KIAA1549L: variants seen among roughly 807,000 people sequenced by gnomAD.
KIAA1549L encodes the protein UPF0606 protein KIAA1549L.
A neutral mutation model predicts 160.7 loss-of-function variants in KIAA1549L; 88 were observed. The observed-to-expected ratio is 0.55, with a 90% CI of 0.46 to 0.65. The LOEUF is 0.65. Among genes scored for constraint, KIAA1549L ranks in the 30% least tolerant of loss-of-function variants. KIAA1549L has a pLI of 0.00. For missense variants in KIAA1549L, 2,258 were observed against 2,437.5 expected, an observed-to-expected ratio of 0.93 and a Z score of 1.55; for synonymous variants, 950 against 976.7, an observed-to-expected ratio of 0.97 and a Z score of 0.51.
intron 1 of KIAA1549L, among the ~76,000 whole-genome samples, chr11:33,428,492 G>A (rs950412706): frequency 1.4e-5 from 2 of 146,820 alleles, no homozygotes; most frequent in South Asian, 2.1e-4. Flanking sequence ...GATGTTCCTC[G>A]CCCTGTATCC....
chr11:33,482,497 A>G (rs1192966192), intron 1 of KIAA1549L, among the ~76,000 whole-genome samples: 2 of 150,900 alleles, frequency 1.3e-5, no homozygotes, highest in Non-Finnish European at 2.9e-5. Context: ...TTAATGCTGA[A>G]TTTTACTCGG....
chr11:33,629,573 A>G (rs909231379), intron 16 of KIAA1549L, among the ~76,000 whole-genome samples: 14 of 151,570 alleles, frequency 9.2e-5, no homozygotes, highest in African/African-American at 3.2e-4. Context: ...CTTCCAGTTG[A>G]TCACATCGGC....
intron 1 of KIAA1549L, chr11:33,403,278 C>CACAA: frequency 7.1e-6 from 1 of 140,590 alleles, no homozygotes. Flanking sequence ...CACACACAGA[C>CACAA]ACAGACACAC....
chr11:33,522,036 T>C (rs373034095), intron 1 of KIAA1549L, among the ~76,000 whole-genome samples: 16 of 152,318 alleles, frequency 1.1e-4, no homozygotes, highest in African/African-American at 4.8e-5. Flanking sequence ...AACATCTAAA[T>C]TATGGAATTT....
chr11:33,597,462 A>G (rs574571319), intron 12 of KIAA1549L, among the ~76,000 whole-genome samples: 7 of 152,336 alleles, frequency 4.6e-5, no homozygotes, highest in Non-Finnish European at 1.0e-4. Flanking sequence ...CTGCTCGCCT[A>G]CTGATCAAGT....
At position 33,670,392 on chromosome 11, in the gene KIAA1549L, G is replaced by C. The variant is rs1034763881; in HGVS notation, c.*2238G>C. ...CAGAGCTATGGCTCCAGAGTGCTAA[G>C]AGGGTGGAGTCACAAATCACTGTGG... On this transcript the variant is annotated 3_prime_UTR_variant, in exon 21 of 21. Coordinates refer to ENST00000658780, the MANE Select transcript of KIAA1549L (RefSeq NM_012194.3). The C allele has an allele frequency of 2.0e-5, 3 of 152,252 alleles. No homozygotes were observed. Among genetic ancestry groups the C allele is most frequent in the Admixed American group, 6.5e-5 (1 of 15,288 alleles). The allele number at this position is 152,252 out of a possible 1,614,324, so 9.4% of individuals were successfully genotyped here.
At chr11:33,531,186 CA>C (rs1437166732) in intron 1 of KIAA1549L, among the ~76,000 whole-genome samples, 1 of 151,892 alleles carries the variant, frequency 6.6e-6, no homozygotes, top group Non-Finnish European at 1.5e-5. Flanking sequence ...AATGGGGAGG[CA>C]GAGAGGCCAG....
intron 1 of KIAA1549L, among the ~76,000 whole-genome samples, chr11:33,478,268 T>TTA (rs1852331988): frequency 1.4e-3 from 2 of 1,436 alleles, no homozygotes; most frequent in Admixed American, 0.011. Context: ...CTAACAGAAC[T>TTA]CACAGAGGCA....
chr11:33,500,364 G>T (rs1852919218), intron 1 of KIAA1549L, among the ~76,000 whole-genome samples: 1 of 152,172 alleles, frequency 6.6e-6, no homozygotes, highest in Non-Finnish European at 1.5e-5. Flanking sequence ...AAAGTGCCTG[G>T]CACATACGGG....
At chr11:33,423,559 A>C (rs1851060894) in intron 1 of KIAA1549L, among the ~76,000 whole-genome samples, 1 of 152,250 alleles carries the variant, frequency 6.6e-6, no homozygotes, top group South Asian at 2.1e-4. Context: ...CCAACACCAT[A>C]GACTTCTCAT....
chr11:33,428,437 T>C (rs1420906894), intron 1 of KIAA1549L, among the ~76,000 whole-genome samples: 2 of 152,300 alleles, frequency 1.3e-5, no homozygotes, highest in African/African-American at 4.8e-5. Flanking sequence ...TTTCTCCCAA[T>C]GCTCTCCCTC....
chr11:33,427,755 ACC>A (rs775575453), intron 1 of KIAA1549L, among the ~76,000 whole-genome samples: 2 of 151,974 alleles, frequency 1.3e-5, no homozygotes, highest in Non-Finnish European at 2.9e-5. Context: ...TCTGAAAGCA[ACC>A]CCCTTACTAG....
Position 33,542,710 on chromosome 11 carries a change from C to G in KIAA1549L, c.1147C>G (p.Pro383Ala). ...SWSMLEVASGPASTQQIKAGV... is the reference protein window; with the variant it reads ...SWSMLEVASGAASTQQIKAGV... Reference sequence around the variant, plus strand: ...GTCAATGTTGGAAGTGGCTTCAGGTCCTGCATCCACCCAGCAGATCAAAGC... The same window carrying G: ...GTCAATGTTGGAAGTGGCTTCAGGTGCTGCATCCACCCAGCAGATCAAAGC... Residue 383 changes from proline to alanine, a missense_variant, in exon 2 of 21, where the codon CCT (proline) becomes GCT (alanine). Physicochemically the swap from Pro to Ala is conservative, Grantham distance 27. Transcript: ENST00000658780. 2 of 1,613,994 alleles carry G rather than the reference C, an allele frequency of 1.2e-6. No individual in the cohort carries two copies. Among genetic ancestry groups the G allele is most frequent in the Non-Finnish European group, 1.7e-6 (2 of 1,179,882 alleles).
chr11:33,673,570 C>T lies in KIAA1549L; in HGVS notation c.*5416C>T, dbSNP rs1381339739. ...ATCTGTCAAATGAGTATAAGACCCT[C>T]TGTACTTCCCATGGTGATTTTGAGG... On this transcript the variant is annotated 3_prime_UTR_variant, in exon 21 of 21. Coordinates refer to ENST00000658780, the MANE Select transcript of KIAA1549L (RefSeq NM_012194.3). 1 of 152,180 alleles carries T rather than the reference C, an allele frequency of 6.6e-6. No individual in the cohort carries two copies. The highest frequency in any genetic ancestry group is 2.4e-5 in the African/African-American group (1 of 41,444). 9.4% of individuals were successfully genotyped at this position (152,180 alleles called of 1,614,324 possible).
intron 10 of KIAA1549L, among the ~76,000 whole-genome samples, chr11:33,579,928 A>G (rs907706001): frequency 2.6e-5 from 4 of 152,200 alleles, no homozygotes; most frequent in East Asian, 1.9e-4. Context: ...TCAGCCTACA[A>G]TGTTCATCTG....
chr11:33,629,861 G>A (rs868179393), intron 16 of KIAA1549L, among the ~76,000 whole-genome samples: 16 of 141,430 alleles, frequency 1.1e-4, no homozygotes, highest in Middle Eastern at 3.4e-3. Context: ...GAGGAGAGGC[G>A]CTCTGCTTTT....
intron 5 of KIAA1549L, 64 bp downstream of exon 5, chr11:33,551,323 C>A: frequency 1.4e-6 from 2 of 1,386,610 alleles, no homozygotes; most frequent in Non-Finnish European, 2.0e-6. Context: ...ACCAAGTGGA[C>A]ACCTGTTTAA....
At chr11:33,506,320 T>C (rs751985079) in intron 1 of KIAA1549L, among the ~76,000 whole-genome samples, 3 of 152,228 alleles carry the variant, frequency 2.0e-5, no homozygotes, top group Non-Finnish European at 4.4e-5. Flanking sequence ...AGTCTAAAGC[T>C]GATTCAAAGC....
At chr11:33,654,250 G>A (rs1261614377) in intron 17 of KIAA1549L, among the ~76,000 whole-genome samples, 2 of 152,242 alleles carry the variant, frequency 1.3e-5, no homozygotes, top group Non-Finnish European at 2.9e-5. Context: ...GGGATTACAG[G>A]CGTGAGCCAC....
Sources: allele counts gnomAD v4.1 joint callset (sites outside exome capture counted in the v4.1 genomes callset), GRCh38; gene constraint gnomAD v4.1.1; transcripts MANE v1.5; gene names NCBI Gene and HGNC (gene_info 2026-07-23, HGNC 2026-07-21).